Variants in PTX3 observed in about 807,000 individuals in gnomAD.
The protein encoded by PTX3 is pentraxin 3.
PTX3 carries 24 observed loss-of-function variants against 23.5 expected under a neutral mutation model. The ratio of observed to expected loss-of-function variants is 1.02; its 90% confidence interval spans 0.74 to 1.43. The LOEUF is 1.43. Among genes scored for constraint, PTX3 ranks in the 40% most tolerant of loss-of-function variants. PTX3 has a pLI of 0.00. For missense variants in PTX3, 510 were observed against 497.5 expected, an observed-to-expected ratio of 1.02 and a Z score of -0.24; for synonymous variants, 218 against 205.4, an observed-to-expected ratio of 1.06 and a Z score of -0.53.
chr3:157,437,816 C>T lies in PTX3; in HGVS notation c.434C>T (p.Ala145Val). ...EGAEAQRPEE[A>V]GRALAAVLEE... ...GCGGAGGCGCAGCGCCCAGAGGAGG[C>T]GGGGCGCGCCCTGGCCGCGGTGCTA... Residue 145 changes from alanine to valine, a missense_variant, in exon 2 of 3, where the codon GCG (alanine) becomes GTG (valine). Physicochemically the swap from Ala to Val is moderately conservative, Grantham distance 64. Transcript: ENST00000295927. 2 of 1,462,240 alleles carry T rather than the reference C, an allele frequency of 1.4e-6. No individual in the cohort carries two copies. Among genetic ancestry groups the T allele is most frequent in the South Asian group, 1.4e-5 (1 of 73,870 alleles). The allele number at this position is 1,462,240 out of a possible 1,614,324, so 90.6% of individuals were successfully genotyped here. A position where few individuals can be genotyped will look rare whatever the true frequency, so the allele number is the denominator to read the frequency against.
chr3:157,439,209 A>G (rs962394271), intron 2 of PTX3, among the ~76,000 whole-genome samples: 1 of 152,214 alleles, frequency 6.6e-6, no homozygotes, highest in Admixed American at 6.5e-5. Flanking sequence ...CAAACCACGT[A>G]AAGTCATTGT....
chr3:157,437,385 TCC>T, intron 1 of PTX3, 126 bp from the exon 2 acceptor site: 1 of 1,135,932 alleles, frequency 8.8e-7, no homozygotes, highest in Non-Finnish European at 1.3e-6. Flanking sequence ...TTCGGAGGTG[TCC>T]TTAAAGGGAA....
Position 157,443,038 on chromosome 3 carries a change from G to GGCCGGGCGCGGTGGC in PTX3, c.*59_*60insGCCGGGCGCGGTGGC. On this transcript the variant is annotated 3_prime_UTR_variant, in exon 3 of 3. Coordinates refer to ENST00000295927, the MANE Select transcript of PTX3 (RefSeq NM_002852.4). ...AAACTCACACTTAAAACACATGCCA[G>GGCCGGGCGCGGTGGC]TTGGGAAGGTCTGAAAACTCAGTGC... is the stretch of plus-strand genomic sequence containing the variant. 1 of 1,532,490 alleles carries GGCCGGGCGCGGTGGC rather than the reference G, an allele frequency of 6.5e-7. No individual in the cohort carries two copies. Among genetic ancestry groups the GGCCGGGCGCGGTGGC allele is most frequent in the South Asian group, 1.3e-5 (1 of 75,820 alleles). 94.9% of individuals were successfully genotyped at this position (1,532,490 alleles called of 1,614,324 possible). A position where few individuals can be genotyped will look rare whatever the true frequency, so the allele number is the denominator to read the frequency against.
Position 157,442,797 on chromosome 3 carries a change from G to T in PTX3, c.964G>T (p.Gly322Cys). The T allele has an allele frequency of 6.2e-7, 1 of 1,614,226 alleles. No individual in the cohort carries two copies. Among genetic ancestry groups the T allele is most frequent in the Non-Finnish European group, 8.5e-7 (1 of 1,180,030 alleles). Residue 322 changes from glycine (G) to cysteine (C), a missense_variant, in exon 3 of 3, where the codon GGC (glycine) becomes TGC (cysteine). By Grantham distance (159) the Gly-to-Cys change is radical (BLOSUM62 -3). Coordinates refer to ENST00000295927, the MANE Select transcript of PTX3 (RefSeq NM_002852.4). ...QEKNGCCVGG[G>C]FDETLAFSGR... ...AAAGAATGGCTGCTGTGTGGGTGGTGGCTTTGATGAAACATTAGCCTTCTC... is the reference window on the plus strand; with the variant it reads ...AAAGAATGGCTGCTGTGTGGGTGGTTGCTTTGATGAAACATTAGCCTTCTC...
chr3:157,438,035 G>GCACACACACACA (rs1294089889), intron 2 of PTX3, 121 bp downstream of exon 2: 7 of 701,922 alleles, frequency 1.0e-5, no homozygotes, highest in East Asian at 7.1e-5. Context: ...GCGCGCGCGC[G>GCACACACACACA]CGCACACACA....
chr3:157,437,476 G>T lies in PTX3; in HGVS notation c.131-37G>T, dbSNP rs755610713. The T allele has an allele frequency of 2.5e-6, 4 of 1,575,634 alleles. No individual in the cohort carries two copies. In the East Asian group the frequency reaches 9.4e-5, roughly 37 times the overall value. On this transcript the variant is annotated intron_variant, in intron 1 of 2. Coordinates refer to ENST00000295927, the MANE Select transcript of PTX3 (RefSeq NM_002852.4). The stretch of plus-strand genomic sequence containing the variant: ...TACAAAGCACATCCAAGGCAGGCCT[G>T]GGCGGGCTGCTAACGTGTGTGTATC...
rs1322543419 is a variant in PTX3, at chr3:157,442,626, G to C, written c.793G>C (p.Gly265Arg). 1.2e-6 allele frequency: 2 copies of C among 1,614,110 alleles called. No homozygotes were observed. The highest frequency in any genetic ancestry group is 2.2e-5 in the East Asian group (1 of 44,902). ...GGTTGCTGAAGCCATGGTTTCCCTGGGAAGGTGGACCCACCTGTGCGGCAC... is the reference window on the plus strand; with the variant it reads ...GGTTGCTGAAGCCATGGTTTCCCTGCGAAGGTGGACCCACCTGTGCGGCAC... ...KLVAEAMVSLGRWTHLCGTWN... is the reference protein window; with the variant it reads ...KLVAEAMVSLRRWTHLCGTWN... The change falls in exon 3 of 3, where the codon GGA becomes CGA. Residue 265 changes from glycine (G) to arginine (R), a missense_variant. Gly to Arg is a moderately radical substitution (Grantham distance 125). Coordinates refer to ENST00000295927, the MANE Select transcript of PTX3 (RefSeq NM_002852.4).
chr3:157,437,619 C>T lies in PTX3; in HGVS notation c.237C>T (p.Asp79=). ...GCATGCTGCTGCAAGCCACGGACGA[C>T]GTCCTGCGGGGCGAGCTGCAGAGGC... ...RERMLLQATD[D]VLRGELQRLR... Residue 79 remains aspartate (D), a synonymous_variant, in exon 2 of 3, where the codon GAC becomes GAT. Coordinates refer to ENST00000295927, the MANE Select transcript of PTX3 (RefSeq NM_002852.4). 2 of 1,562,592 alleles carry T rather than the reference C, an allele frequency of 1.3e-6. No homozygotes were observed. Among genetic ancestry groups the T allele is most frequent in the South Asian group, 1.2e-5 (1 of 84,958 alleles).
At chr3:157,438,478 C>T (rs1345475170) in intron 2 of PTX3, among the ~76,000 whole-genome samples, 1 of 152,144 alleles carries the variant, frequency 6.6e-6, no homozygotes, top group African/African-American at 2.4e-5. Context: ...AAGCTAATCT[C>T]CCGAAGGGTC....
In PTX3 at chr3:157,442,758, C is replaced by T; in HGVS notation, c.925C>T (p.Gln309Ter). 2.5e-6 allele frequency: 4 copies of T among 1,614,188 alleles called. No individual in the cohort carries two copies. Among genetic ancestry groups the T allele is most frequent in the Non-Finnish European group, 2.5e-6 (3 of 1,180,026 alleles). The change falls in exon 3 of 3, where the codon CAG (glutamine) becomes TAG (stop). Residue 309 changes from glutamine (Q) to a stop codon, truncating the protein, a stop_gained. Coordinates refer to ENST00000295927, the MANE Select transcript of PTX3 (RefSeq NM_002852.4). LOFTEE classifies it high-confidence loss of function. ...CATTGTTCCTGAGGGAGGAATCCTG[C>T]AGATTGGCCAAGAAAAGAATGGCTG... is the stretch of plus-strand genomic sequence containing the variant. Reference protein sequence around the residue: ...GHIVPEGGILQIGQEKNGCCV... With the variant: ...GHIVPEGGIL
chr3:157,437,665 C>G lies in PTX3; in HGVS notation c.283C>G (p.Leu95Val), dbSNP rs772664941. ...GAGGCTGCGGGAGGAGCTGGGCCGGCTCGCGGAAAGCCTGGCGAGGCCGTG... is the reference window on the plus strand; with the variant it reads ...GAGGCTGCGGGAGGAGCTGGGCCGGGTCGCGGAAAGCCTGGCGAGGCCGTG... The part of the protein sequence containing the change: ...LQRLREELGR[L>V]AESLARPCAP... Residue 95 changes from leucine (L) to valine (V), a missense_variant, in exon 2 of 3, where the codon CTC (leucine) becomes GTC (valine). Leu to Val is a conservative substitution (Grantham distance 32, BLOSUM62 1). Coordinates refer to ENST00000295927, the MANE Select transcript of PTX3 (RefSeq NM_002852.4). 1.3e-6 allele frequency: 2 copies of G among 1,540,388 alleles called. No individual in the cohort carries two copies. Among genetic ancestry groups the G allele is most frequent in the African/African-American group, 2.7e-5 (2 of 72,930 alleles).
In PTX3 at chr3:157,442,967, GTA is replaced by G. The variant is rs774627752; in HGVS notation, c.1136_1137del (p.Tyr379CysfsTer19). 1 of 1,598,416 alleles carries G rather than the reference GTA, an allele frequency of 6.3e-7. No homozygotes were observed. The highest frequency in any genetic ancestry group is 8.5e-7 in the Non-Finnish European group (1 of 1,171,816). The stretch of plus-strand genomic sequence containing the variant: ...AGATCCAGCCACATGGAGGAGCTCA[GTA>G]TGTTTCATAAATGTTGTGAAACTCC... Reference protein sequence around the residue: ...TEIQPHGGAQYVS With the variant: ...TEIQPHGGAQXVS On this transcript the variant is annotated frameshift_variant, in exon 3 of 3. Coordinates refer to ENST00000295927, the MANE Select transcript of PTX3 (RefSeq NM_002852.4). LOFTEE classifies it high-confidence loss of function.
At chr3:157,439,465 A>T (rs1236792114) in intron 2 of PTX3, among the ~76,000 whole-genome samples, 4 of 152,212 alleles carry the variant, frequency 2.6e-5, no homozygotes, top group African/African-American at 9.7e-5. Context: ...TTTGATAATC[A>T]GAAAAACCTA....
rs749075415 is a variant in PTX3 at position 157,442,886 on chromosome 3, C to G, written c.1053C>G (p.Thr351=). ...SVLSNEEIRE[T]GGAESCHIRG... is the part of the protein sequence containing the mutation. ...TTAGCAATGAAGAGATAAGAGAGAC[C>G]GGAGGAGCAGAGTCTTGTCACATCC... Residue 351 remains threonine (T), a synonymous_variant, in exon 3 of 3, where the codon ACC becomes ACG. Coordinates refer to ENST00000295927, the MANE Select transcript of PTX3 (RefSeq NM_002852.4). 1.9e-6 allele frequency: 3 copies of G among 1,613,930 alleles called. No individual in the cohort carries two copies. The highest frequency in any genetic ancestry group is 2.7e-5 in the African/African-American group (2 of 74,856).
chr3:157,437,690 G>T lies in PTX3; in HGVS notation c.308G>T (p.Cys103Phe). The change falls in exon 2 of 3, where the codon TGC becomes TTC. Residue 103 changes from cysteine to phenylalanine, a missense_variant. Coordinates refer to ENST00000295927, the MANE Select transcript of PTX3 (RefSeq NM_002852.4). ...CTCGCGGAAAGCCTGGCGAGGCCGT[G>T]CGCGCCGGGGGCTCCCGCAGAGGCC... is the stretch of plus-strand genomic sequence containing the variant. ...GRLAESLARP[C>F]APGAPAEARL... 1 of 1,533,480 alleles carries T rather than the reference G, an allele frequency of 6.5e-7. No homozygotes were observed. 95.0% of individuals were successfully genotyped at this position (1,533,480 alleles called of 1,614,324 possible).
Position 157,436,919 on chromosome 3 carries a change from T to G in PTX3, c.-15T>G, listed in dbSNP as rs759359298. The G allele has an allele frequency of 3.7e-6, 6 of 1,610,936 alleles. No homozygotes were observed. The African/African-American group carries it at 8.0e-5, about 22-fold the overall frequency. The stretch of plus-strand genomic sequence containing the variant: ...CTCCCGCCAGCTGTGGAAAGAACTT[T>G]GCGTCTCTCCAGCAATGCATCTCCT... On this transcript the variant is annotated 5_prime_UTR_variant, in exon 1 of 3. Coordinates refer to ENST00000295927, the MANE Select transcript of PTX3 (RefSeq NM_002852.4).
At chr3:157,440,189 A>G (rs188516409) in intron 2 of PTX3, among the ~76,000 whole-genome samples, 2 of 152,334 alleles carry the variant, frequency 1.3e-5, no homozygotes, top group Admixed American at 1.3e-4. Context: ...CTGCCTCATT[A>G]AAAATTAATT....
In PTX3 at chr3:157,440,683, C is replaced by CAT. The variant is rs201474741; in HGVS notation, c.533-1672_533-1671dup. ...ATGTGTGTATATATACGTATACATA[C>CAT]ATATATATATATTTATGTATATAGA... On this transcript the variant is annotated intron_variant, in intron 2 of 2. Transcript: ENST00000295927. 4.8e-3 allele frequency among the ~76,000 whole-genome samples: 723 copies of CAT among 151,414 alleles called. 5 individuals carry two copies. The highest frequency in any genetic ancestry group is 0.02 in the South Asian group (97 of 4,788).
chr3:157,439,552 G>A (rs906709265), intron 2 of PTX3, among the ~76,000 whole-genome samples: 1 of 152,070 alleles, frequency 6.6e-6, no homozygotes, highest in Non-Finnish European at 1.5e-5. Context: ...GGGTATCCCT[G>A]GTCCCCAAAA....
Sources: gnomAD v4.1 joint callset for allele counts (sites outside exome capture counted in the v4.1 genomes callset) on GRCh38, gnomAD v4.1.1 for gene constraint, MANE v1.5 for transcripts, NCBI Gene and HGNC (gene_info 2026-07-23, HGNC 2026-07-21) for gene names.